The following GRIK5 variants were observed in gnomAD, a reference collection of about 807,000 sequenced individuals.
GRIK5 encodes the protein glutamate ionotropic receptor kainate type subunit 5, also known as glutamate receptor ionotropic, kainate 5.
A neutral mutation model predicts 97.4 loss-of-function variants in GRIK5; 43 were observed. The ratio of observed to expected loss-of-function variants is 0.44; its 90% CI spans 0.35 to 0.57. GRIK5 has a LOEUF of 0.57. Among genes scored for constraint, GRIK5 ranks in the 20% least tolerant of loss-of-function variants. The pLI is 0.01. For synonymous variants in GRIK5, 580 were observed against 583.5 expected (o/e 0.99, Z 0.09); for missense variants, 1,015 against 1,382.0 (o/e 0.73, Z 4.21).
intron 3 of GRIK5, among the ~76,000 whole-genome samples, chr19:42,063,737 T>C (rs951409437): frequency 6.6e-6 from 1 of 152,170 alleles, no homozygotes; most frequent in African/African-American, 2.4e-5. Context: ...ATTCCCAGGA[T>C]GTCATCTGAA....
At chr19:42,016,229 G>A (rs2075621891) in intron 15 of GRIK5, among the ~76,000 whole-genome samples, 1 of 152,120 alleles carries the variant, frequency 6.6e-6, no homozygotes, top group Non-Finnish European at 1.5e-5. Flanking sequence ...AGACCAGCCT[G>A]GCCAACATGA....
At chr19:42,053,967 G>A (rs1211203134) in intron 9 of GRIK5, 38 bp from the exon 10 acceptor site, 2 of 1,422,446 alleles carry the variant, frequency 1.4e-6, no homozygotes, top group East Asian at 4.6e-5. Context: ...GGAGAGTGCA[G>A]GGGCCCAGAG....
chr19:42,006,837 G>A lies in GRIK5; in HGVS notation c.1872-27C>T. ...TGAAGGGTGGGAGGGGTGAGTCACG[G>A]GCTGGAGTCACCCCTGCTGACCTGC... On this transcript the variant is annotated intron_variant, in intron 15 of 19. Coordinates refer to ENST00000593562, the MANE Select transcript of GRIK5 (RefSeq NM_002088.5). The surrounding 1 kb of genome is among the most constrained non-coding windows in gnomAD (Gnocchi z 5.3). 6.4e-7 allele frequency: 1 copy of A among 1,554,054 alleles called. No individual in the cohort carries two copies. Among genetic ancestry groups the A allele is most frequent in the Non-Finnish European group, 8.7e-7 (1 of 1,147,264 alleles).
At chr19:42,037,280 C>G (rs755043836) in intron 12 of GRIK5, among the ~76,000 whole-genome samples, 2 of 152,074 alleles carry the variant, frequency 1.3e-5, no homozygotes, top group African/African-American at 4.8e-5. Flanking sequence ...GCCAACATGG[C>G]GAAACCCCGT....
intron 8 of GRIK5, among the ~76,000 whole-genome samples, 172 bp downstream of exon 8, chr19:42,056,490 G>A (rs1485446178): frequency 6.6e-6 from 1 of 152,130 alleles, no homozygotes; most frequent in African/African-American, 2.4e-5. Flanking sequence ...CCAGAGTGGT[G>A]TGGGAGGTAG....
chr19:42,010,402 G>C (rs1466105162), intron 15 of GRIK5, among the ~76,000 whole-genome samples: 1 of 152,064 alleles, frequency 6.6e-6, no homozygotes, highest in African/African-American at 2.4e-5. Flanking sequence ...CAGCAATAAA[G>C]AGAAACATCT....
At chr19:42,030,558 A>G (rs1400216441) in intron 12 of GRIK5, among the ~76,000 whole-genome samples, 1 of 152,078 alleles carries the variant, frequency 6.6e-6, no homozygotes, top group Non-Finnish European at 1.5e-5. Context: ...TCCCAGGCTC[A>G]AGTGATCCTC....
chr19:42,036,047 T>G (rs1334932304), intron 12 of GRIK5, among the ~76,000 whole-genome samples: 2 of 151,962 alleles, frequency 1.3e-5, no homozygotes, highest in African/African-American at 4.8e-5. Flanking sequence ...GAAATGGACT[T>G]TATTTATTTA....
intron 15 of GRIK5, among the ~76,000 whole-genome samples, chr19:42,009,940 C>T (rs2075541727): frequency 6.6e-6 from 1 of 151,702 alleles, no homozygotes; most frequent in South Asian, 2.1e-4. Flanking sequence ...GTGGTGCACG[C>T]CTGTAATCCC....
At chr19:42,066,156 C>G (rs141535320) in intron 1 of GRIK5, among the ~76,000 whole-genome samples, 1 of 152,182 alleles carries the variant, frequency 6.6e-6, no homozygotes, top group East Asian at 1.9e-4. Context: ...CAGCCCCACC[C>G]AAATAGGAAA....
chr19:42,026,663 G>C (rs2075775751), intron 12 of GRIK5, among the ~76,000 whole-genome samples: 2 of 151,474 alleles, frequency 1.3e-5, no homozygotes, highest in South Asian at 4.2e-4. Flanking sequence ...CCACCTCCCG[G>C]GCTCAAGCAA....
At position 42,042,743 on chromosome 19, in the gene GRIK5, C is replaced by T. The variant is rs1356845806; in HGVS notation, c.1282G>A (p.Val428Ile). The T allele has an allele frequency of 3.7e-6, 6 of 1,613,118 alleles. No individual in the cohort carries two copies. The highest frequency in any genetic ancestry group is 2.7e-5 in the African/African-American group (2 of 75,046). The change falls in exon 12 of 20, where the codon GTC becomes ATC. Residue 428 changes from valine to isoleucine, a missense_variant. Physicochemically the swap from Val to Ile is conservative, Grantham distance 29 (BLOSUM62 3). Transcript: ENST00000593562. This position sits in a 1 kb window ranked among gnomAD's most constrained non-coding sequence, Gnocchi z 6.9. ...GCCTGGAAGTTGGGCCGGCGCATGA[C>T]GTATGGGTTCTCCTGGGTGGGCAGA... ...VVTTILENPYVMRRPNFQALS... is the reference protein window; with the variant it reads ...VVTTILENPYIMRRPNFQALS...
chr19:42,059,399 T>G lies in GRIK5; in HGVS notation c.637A>C (p.Thr213Pro), dbSNP rs756154919. Residue 213 changes from threonine (T) to proline (P), a missense_variant, in exon 6 of 20, where the codon ACC becomes CCC. Thr to Pro is a conservative substitution (Grantham distance 38). Around this residue, in one of 5 missense-constraint regions of GRIK5, gnomAD observed 477 missense variants for 701.1 expected, o/e 0.68. Coordinates refer to ENST00000593562, the MANE Select transcript of GRIK5 (RefSeq NM_002088.5). Reference sequence around the variant, plus strand: ...GAGGCGTTGGCGTCGATGATGATGGTGGACACCTTGTCATCACGGATCTCC... The same window carrying G: ...GAGGCGTTGGCGTCGATGATGATGGGGGACACCTTGTCATCACGGATCTCC... ...LKEIRDDKVS[T>P]IIIDANASIS... 6.2e-7 allele frequency: 1 copy of G among 1,613,916 alleles called. No homozygotes were observed. The highest frequency in any genetic ancestry group is 8.5e-7 in the Non-Finnish European group (1 of 1,179,840).
Position 42,059,440 on chromosome 19 carries a change from G to T in GRIK5, c.596C>A (p.Pro199His). Residue 199 changes from proline to histidine, a missense_variant, in exon 6 of 20, where the codon CCC (proline) becomes CAC (histidine). This residue lies in a region of GRIK5 where 477 missense variants were observed against 701.1 expected (regional missense o/e 0.68). Transcript: ENST00000593562. ...ACGGATCTCCTTGAGCAGTGGTGTGGGGTCCCGGCTGTCGTCCAACATCCT... is the reference window on the plus strand; with the variant it reads ...ACGGATCTCCTTGAGCAGTGGTGTGTGGTCCCGGCTGTCGTCCAACATCCT... ...SVRMLDDSRDPTPLLKEIRDD... is the reference protein window; with the variant it reads ...SVRMLDDSRDHTPLLKEIRDD... 6.2e-7 allele frequency: 1 copy of T among 1,613,918 alleles called. No individual in the cohort carries two copies.
In GRIK5 at chr19:41,998,849, G is replaced by T; in HGVS notation, c.*22C>A. ...CCCCGTCCCTTCGGTCAGTCCGGGCGCCCGCACAGCCCCGCCCGTGGTCAC... is the reference window on the plus strand; with the variant it reads ...CCCCGTCCCTTCGGTCAGTCCGGGCTCCCGCACAGCCCCGCCCGTGGTCAC... On this transcript the variant is annotated 3_prime_UTR_variant, in exon 20 of 20. Coordinates refer to ENST00000593562, the MANE Select transcript of GRIK5 (RefSeq NM_002088.5). 5.4e-6 allele frequency: 6 copies of T among 1,108,854 alleles called. No individual in the cohort carries two copies. Among genetic ancestry groups the T allele is most frequent in the Non-Finnish European group, 6.6e-6 (6 of 906,688 alleles). 68.7% of individuals were successfully genotyped at this position (1,108,854 alleles called of 1,614,324 possible).
At chr19:42,059,618 G>T in intron 5 of GRIK5, 91 bp from the exon 6 acceptor site, 1 of 1,126,926 alleles carries the variant, frequency 8.9e-7, no homozygotes. Flanking sequence ...GGGCAGCTGG[G>T]CAGAGGACTG....
Position 41,999,390 on chromosome 19 carries a change from C to A in GRIK5, c.2515-91G>T. On this transcript the variant is annotated intron_variant, in intron 19 of 19. Transcript: ENST00000593562. The surrounding 1 kb of genome is among the most constrained non-coding windows in gnomAD (Gnocchi z 5.0). The stretch of plus-strand genomic sequence containing the variant: ...CACATCCCACTCCTCCTCCTCCTTT[C>A]CTCGCCCGGGTCTTTCTTCCTTCTG... The A allele has an allele frequency of 1.0e-6, 1 of 973,770 alleles. No individual in the cohort carries two copies. The highest frequency in any genetic ancestry group is 1.5e-6 in the Non-Finnish European group (1 of 688,730). 60.3% of individuals were successfully genotyped at this position (973,770 alleles called of 1,614,324 possible).
At chr19:42,030,184 A>G (rs2075824769) in intron 12 of GRIK5, among the ~76,000 whole-genome samples, 1 of 151,766 alleles carries the variant, frequency 6.6e-6, no homozygotes, top group South Asian at 2.1e-4. Context: ...TTTTGTTTTT[A>G]TTTTTGTTTT....
rs1441991365 is a variant in GRIK5, at chr19:41,999,201, G to A, written c.2613C>T (p.Ser871=). The A allele has an allele frequency of 2.6e-6, 4 of 1,517,572 alleles. No individual in the cohort carries two copies. Among genetic ancestry groups the A allele is most frequent in the Non-Finnish European group, 3.5e-6 (4 of 1,139,892 alleles). 94.0% of individuals were successfully genotyped at this position (1,517,572 alleles called of 1,614,324 possible). A position where few individuals can be genotyped will look rare whatever the true frequency, so the allele number is the denominator to read the frequency against. The change falls in exon 20 of 20, where the codon AGC becomes AGT. Residue 871 remains serine (S), a synonymous_variant. Transcript: ENST00000593562. The surrounding 1 kb of genome is among the most constrained non-coding windows in gnomAD (Gnocchi z 5.0). ...CCGCGCGCAGTGACAGCAGGGCCCGGCTCGGGCCGCCCGGGCGTCGGCGCC... is the reference window on the plus strand; with the variant it reads ...CCGCGCGCAGTGACAGCAGGGCCCGACTCGGGCCGCCCGGGCGTCGGCGCC... The part of the protein sequence containing the change: ...SRRRRRPGGP[S]RALLSLRAVR...
Sources: allele counts gnomAD v4.1 joint callset (sites outside exome capture counted in the v4.1 genomes callset), GRCh38; gene constraint gnomAD v4.1.1; regional missense constraint gnomAD v4.1.1; non-coding constraint Gnocchi (gnomAD v3.1); transcripts MANE v1.5; gene names NCBI Gene and HGNC (gene_info 2026-07-23, HGNC 2026-07-21).